PRH1: variants seen among roughly 807,000 people sequenced by gnomAD.
PRH1 encodes the protein proline rich protein HaeIII subfamily 1, also known as salivary acidic proline-rich phosphoprotein 1/2.
PRH1 carries 7 observed loss-of-function variants against 7.9 expected under a neutral mutation model. The ratio of observed to expected loss-of-function variants is 0.89; its 90% CI spans 0.50 to 1.67. PRH1 has a LOEUF of 1.67. PRH1 is among the 40% of genes most tolerant of loss of function. The pLI is 0.00. For missense variants in PRH1, 109 were observed against 223.6 expected (o/e 0.49, Z 3.27); for synonymous variants, 45 against 80.8 (o/e 0.56, Z 2.38).
At chr12:11,051,797 A>G (rs1943156900), upstream of PRH1, among the ~76,000 whole-genome samples, 1 of 152,102 alleles carries the variant, frequency 6.6e-6, no homozygotes. Flanking sequence ...AAATGTAATC[A>G]CATAACTGCA....
At chr12:11,108,622 C>T (rs892008001) in intron 1 of PRH1, among the ~76,000 whole-genome samples, 3 of 152,280 alleles carry the variant, frequency 2.0e-5, no homozygotes, top group Middle Eastern at 3.4e-3. Context: ...CAGTGAGGGA[C>T]GACGTATTCT....
intron 1 of PRH1, chr12:11,034,970 A>G (rs925149394): frequency 2.0e-5 from 3 of 152,064 alleles, no homozygotes; most frequent in Admixed American, 2.0e-4. Flanking sequence ...GTTTATCAAG[A>G]TCTATTCTAC....
At chr12:11,022,734 T>C (rs1057443638) in intron 1 of PRH1, 10 of 595,998 alleles carry the variant, frequency 1.7e-5, no homozygotes, top group Non-Finnish European at 2.6e-5. Context: ...CATATGCTAA[T>C]AGATGAATTC....
intron 1 of PRH1, among the ~76,000 whole-genome samples, chr12:11,100,545 T>C (rs1406218152): frequency 1.3e-5 from 2 of 152,208 alleles, no homozygotes; most frequent in Admixed American, 1.3e-4. Context: ...TCCACCATTC[T>C]ATTCCATGAT....
intron 1 of PRH1, among the ~76,000 whole-genome samples, chr12:11,113,764 C>T (rs536104846): frequency 5.3e-5 from 8 of 152,104 alleles, no homozygotes; most frequent in Non-Finnish European, 8.8e-5. Flanking sequence ...AAACTATCAT[C>T]GGAGTGACAG....
At position 10,903,931 on chromosome 12, in the gene PRH1, C is replaced by CAAAAAA. The variant is rs546066515; in HGVS notation, c.-58-19662_-58-19657dup. On this transcript the variant is annotated intron_variant, in intron 2 of 3. Coordinates refer to the PRH1 transcript ENST00000539853. ...AATGCAATCCCATTTACAATAGCCT[C>CAAAAAA]AAAAAAAAAAAAAAAAAAAAAAACA... 2.2e-3 allele frequency among the ~76,000 whole-genome samples: 68 copies of CAAAAAA among 31,084 alleles called. 1 individual carries two copies. Among genetic ancestry groups the CAAAAAA allele is most frequent in the South Asian group, 4.9e-3 (2 of 406 alleles). 20.4% of individuals were successfully genotyped at this position (31,084 alleles called of 152,430 possible).
chr12:11,093,572 G>C (rs562433972), intron 1 of PRH1, among the ~76,000 whole-genome samples: 4 of 114,738 alleles, frequency 3.5e-5, no homozygotes, highest in Non-Finnish European at 6.2e-5. Context: ...GGTAAAGTTC[G>C]TCTCAAGTCT....
intron 1 of PRH1, chr12:11,079,019 A>ACTTTT (rs1166404407): frequency 6.8e-6 from 1 of 146,324 alleles, no homozygotes; most frequent in African/African-American, 2.5e-5. Flanking sequence ...AATTACTCGT[A>ACTTTT]TTCCACTCAG....
At chr12:11,046,775 T>C (rs1309968272) in intron 1 of PRH1, among the ~76,000 whole-genome samples, 1 of 152,204 alleles carries the variant, frequency 6.6e-6, no homozygotes, top group Non-Finnish European at 1.5e-5. Context: ...TGTATATTTT[T>C]CTACTTATCA....
intron 1 of PRH1, among the ~76,000 whole-genome samples, chr12:11,059,744 C>T (rs1389336775): frequency 6.6e-6 from 1 of 150,918 alleles, no homozygotes; most frequent in African/African-American, 2.4e-5. Context: ...AAGGATTCTG[C>T]TTGGATAAGC....
intron 1 of PRH1, among the ~76,000 whole-genome samples, chr12:11,017,585 A>G (rs1033339685): frequency 6.6e-6 from 1 of 152,106 alleles, no homozygotes; most frequent in African/African-American, 2.4e-5. Flanking sequence ...CCTGGGTTCA[A>G]TCAATTCAAA....
In PRH1 at chr12:11,047,168, T is replaced by G. The variant is rs150702934; in HGVS notation, c.-274A>C. 1.0e-4 allele frequency: 42 copies of G among 404,466 alleles called. 1 individual carries two copies. In the East Asian group the frequency reaches 3.0e-3, roughly 29 times the overall value. The allele number at this position is 404,466 out of a possible 1,614,324, so 25.1% of individuals were successfully genotyped here. On this transcript the variant is annotated 5_prime_UTR_variant, in exon 1 of 4. Coordinates refer to the PRH1 transcript ENST00000539853. ...TCTTGTCACATGTGCCCTTGGGGCC[T>G]TGAGCCAAATGCTGGAGAACCTATG...
intron 1 of PRH1, among the ~76,000 whole-genome samples, chr12:11,018,895 C>T (rs1255610225): frequency 2.6e-5 from 4 of 152,214 alleles, no homozygotes; most frequent in African/African-American, 4.8e-5. Flanking sequence ...TGAACTCGCC[C>T]GAAGGGACTG....
intron 2 of PRH1, among the ~76,000 whole-genome samples, chr12:10,903,966 A>G (rs1949765666): frequency 6.7e-6 from 1 of 149,574 alleles, no homozygotes; most frequent in Admixed American, 6.7e-5. Context: ...AACTAGGACT[A>G]CAGCTAACCA....
At chr12:11,037,733 TA>T (rs1232865635) in intron 1 of PRH1, among the ~76,000 whole-genome samples, 6 of 152,226 alleles carry the variant, frequency 3.9e-5, no homozygotes, top group Admixed American at 3.3e-4. Context: ...TCTCCTTTTT[TA>T]AAATTAATTT....
rs567687967 is a variant in PRH1 at position 10,928,916 on chromosome 12, G to A, written c.-58-44641C>T. ...ACACAAATGAAAAGCACAGTGGAAA[G>A]CAGAATAGCAGTCTTTCCAAACAGA... On this transcript the variant is annotated intron_variant, in intron 2 of 3. Coordinates refer to the PRH1 transcript ENST00000539853. Among the ~76,000 whole-genome samples the A allele has an allele frequency of 2.0e-5, 3 of 152,302 alleles. No individual in the cohort carries two copies. The South Asian group carries it at 6.2e-4, about 32-fold the overall frequency.
chr12:11,049,156 T>C (rs1305959865), upstream of PRH1: 22 of 890,960 alleles, frequency 2.5e-5, no homozygotes, highest in Non-Finnish European at 3.1e-5. Flanking sequence ...CTTAACCCAC[T>C]CAAGGACACC....
intron 2 of PRH1, among the ~76,000 whole-genome samples, chr12:10,905,165 C>T (rs546021140): frequency 6.6e-6 from 1 of 151,978 alleles, no homozygotes; most frequent in Non-Finnish European, 1.5e-5. Context: ...ACCTAGTCAT[C>T]CCATTACTCA....
chr12:11,141,954 A>T (rs1039505741), intron 1 of PRH1, among the ~76,000 whole-genome samples: 2 of 151,416 alleles, frequency 1.3e-5, no homozygotes, highest in Admixed American at 1.3e-4. Context: ...CATCCAGATA[A>T]TTTTTTTTTA....
Sources: gnomAD v4.1 joint callset for allele counts (sites outside exome capture counted in the v4.1 genomes callset) on GRCh38, gnomAD v4.1.1 for gene constraint, MANE v1.5 for transcripts, NCBI Gene and HGNC (gene_info 2026-07-23, HGNC 2026-07-21) for gene names.